A1CF: variants seen among roughly 807,000 people sequenced by gnomAD.
The protein encoded by A1CF is APOBEC1 complementation factor, also known as APOBEC-1 stimulating protein.
Under a neutral mutation model 68.9 loss-of-function variants are expected in A1CF, and 48 were observed. The observed-to-expected ratio is 0.70, with a 90% CI of 0.55 to 0.89. The LOEUF (loss-of-function observed/expected upper bound fraction) is 0.89, where lower values mean the gene tolerates loss of function less well. Among genes scored for constraint, A1CF ranks in the 40% least tolerant of loss-of-function variants. The probability of loss-of-function intolerance (pLI) is 0.00; values close to 1 mark genes in which losing one functional copy is unlikely to be tolerated. For synonymous variants in A1CF, 272 were observed against 260.4 expected, an observed-to-expected ratio of 1.04 and a Z score of -0.43; for missense variants, 653 against 718.9, an observed-to-expected ratio of 0.91 and a Z score of 1.05.
intron 6 of A1CF, among the ~76,000 whole-genome samples, chr10:50,830,871 G>A (rs1371197625): frequency 6.6e-6 from 1 of 152,130 alleles, no homozygotes; most frequent in East Asian, 1.9e-4. Flanking sequence ...ATACTGCAAA[G>A]CTATAGTAAT....
chr10:50,884,421 ATT>A (rs747789631), intron 1 of A1CF, among the ~76,000 whole-genome samples: 1 of 152,192 alleles, frequency 6.6e-6, no homozygotes, highest in Non-Finnish European at 1.5e-5. Flanking sequence ...CTTATAAGTC[ATT>A]TGTCTCTTTC....
At chr10:50,879,661 T>A (rs986707484) in intron 1 of A1CF, among the ~76,000 whole-genome samples, 1 of 152,136 alleles carries the variant, frequency 6.6e-6, no homozygotes, top group African/African-American at 2.4e-5. Flanking sequence ...CCAGGTCTCA[T>A]GAGAATTCAC....
intron 6 of A1CF, among the ~76,000 whole-genome samples, chr10:50,832,640 A>C (rs1005201513): frequency 6.6e-6 from 1 of 152,218 alleles, no homozygotes; most frequent in East Asian, 1.9e-4. Context: ...ACAAGTTCAA[A>C]TGTCAGAACA....
chr10:50,872,020 ATAT>A lies in A1CF; in HGVS notation c.-93-7943_-93-7941del, dbSNP rs551131655. Among the ~76,000 whole-genome samples, 31 of 152,222 alleles carry A rather than the reference ATAT, an allele frequency of 2.0e-4. 1 individual carries two copies. The East Asian group carries it at 6.0e-3, about 29-fold the overall frequency. On this transcript the variant is annotated intron_variant, in intron 1 of 12. Coordinates refer to ENST00000373997, the MANE Select transcript of A1CF (RefSeq NM_014576.4). The stretch of plus-strand genomic sequence containing the variant: ...TGTTATTTATATAATAGATAGAGAA[ATAT>A]TATCTGTAATATACAGATTACTTTT...
chr10:50,847,300 T>C (rs2132474877), intron 3 of A1CF, among the ~76,000 whole-genome samples: 1 of 152,344 alleles, frequency 6.6e-6, no homozygotes, highest in South Asian at 2.1e-4. Flanking sequence ...GTGGAAAGTC[T>C]TCACCTATGT....
In A1CF at chr10:50,809,914, G is replaced by A; in HGVS notation, c.1589C>T (p.Ala530Val). ...CATACCTGGGAAAGCAGTAGCAGCA[G>A]CAGCAGCAGTAGCCATGGTGCCATC... is the stretch of plus-strand genomic sequence containing the variant. ...GGDGTMATAA[A>V]AATAFPGYAV... The change falls in exon 12 of 13, where the codon GCT becomes GTT. Residue 530 changes from alanine to valine, a missense_variant. Physicochemically the swap from Ala to Val is moderately conservative, Grantham distance 64 (BLOSUM62 0). Transcript: ENST00000373997. 2 of 1,613,944 alleles carry A rather than the reference G, an allele frequency of 1.2e-6. No homozygotes were observed. The highest frequency in any genetic ancestry group is 1.7e-6 in the Non-Finnish European group (2 of 1,179,872).
At chr10:50,832,592 T>C (rs1290178172) in intron 6 of A1CF, among the ~76,000 whole-genome samples, 2 of 152,084 alleles carry the variant, frequency 1.3e-5, no homozygotes, top group African/African-American at 4.8e-5. Context: ...TGAAAGTGAG[T>C]GTTACAGAGT....
intron 10 of A1CF, 50 bp from the exon 11 acceptor site, chr10:50,811,226 A>T: frequency 6.4e-7 from 1 of 1,552,822 alleles, no homozygotes; most frequent in Non-Finnish European, 8.7e-7. Flanking sequence ...CATTCACATT[A>T]TTTCCCAAGT....
chr10:50,864,776 G>A (rs1360572236), intron 1 of A1CF, among the ~76,000 whole-genome samples: 1 of 151,896 alleles, frequency 6.6e-6, no homozygotes, highest in South Asian at 2.1e-4. Flanking sequence ...GCACCACTAC[G>A]CCTGGCTAAT....
chr10:50,807,355 C>T (rs894678300), intron 12 of A1CF, among the ~76,000 whole-genome samples: 4 of 152,100 alleles, frequency 2.6e-5, no homozygotes, highest in Non-Finnish European at 5.9e-5. Context: ...AAAACATTTG[C>T]CTTTACCCAA....
At chr10:50,879,508 A>G (rs1450057597) in intron 1 of A1CF, among the ~76,000 whole-genome samples, 1 of 152,200 alleles carries the variant, frequency 6.6e-6, no homozygotes, top group East Asian at 1.9e-4. Flanking sequence ...TAATTGACTC[A>G]CAGTTCTGCA....
chr10:50,850,875 G>T (rs1005067571), intron 3 of A1CF: 6 of 1,505,794 alleles, frequency 4.0e-6, no homozygotes, highest in Non-Finnish European at 4.4e-6. Context: ...TATCCTTAAA[G>T]AATGTGTAAT....
chr10:50,874,396 C>T (rs1057266371), intron 1 of A1CF, among the ~76,000 whole-genome samples: 4 of 152,080 alleles, frequency 2.6e-5, no homozygotes, highest in African/African-American at 7.2e-5. Context: ...TTATCTGTTT[C>T]GAAAGACATT....
intron 10 of A1CF, among the ~76,000 whole-genome samples, chr10:50,813,463 T>C (rs1334873902): frequency 1.3e-5 from 2 of 152,182 alleles, no homozygotes; most frequent in Admixed American, 1.3e-4. Flanking sequence ...AAAGATGTCC[T>C]AAATGGTCTA....
intron 7 of A1CF, chr10:50,823,006 G>A (rs1384573859): frequency 1.3e-5 from 2 of 152,098 alleles, no homozygotes; most frequent in African/African-American, 2.4e-5. Context: ...CATGGAATAA[G>A]GGAATATTAT....
chr10:50,813,965 G>A lies in A1CF; in HGVS notation c.1215C>T (p.Val405=). 6.2e-7 allele frequency: 1 copy of A among 1,613,770 alleles called. No individual in the cohort carries two copies. The highest frequency in any genetic ancestry group is 8.5e-7 in the Non-Finnish European group (1 of 1,179,844). The change falls in exon 10 of 13, where the codon GTC becomes GTT. Residue 405 remains valine, a synonymous_variant. Transcript: ENST00000373997. ...GTTTGTCTTCTCTTTTGTCTCCTTT[G>A]ACCTGGTATCCTCGACCCAGGCCTG... The part of the protein sequence containing the change: ...AYTGLGRGYQ[V]KGDKREDKLY...
chr10:50,876,464 G>A (rs1245937356), intron 1 of A1CF, among the ~76,000 whole-genome samples: 1 of 152,160 alleles, frequency 6.6e-6, no homozygotes, highest in Non-Finnish European at 1.5e-5. Flanking sequence ...AAAGATCTTG[G>A]AAAATTTTAA....
Position 50,809,978 on chromosome 10 carries a change from A to G in A1CF, c.1525T>C (p.Tyr509His). 1 of 1,614,040 alleles carries G rather than the reference A, an allele frequency of 6.2e-7. No homozygotes were observed. The highest frequency in any genetic ancestry group is 8.5e-7 in the Non-Finnish European group (1 of 1,179,924). Residue 509 changes from tyrosine to histidine, a missense_variant, in exon 12 of 13, where the codon TAC (tyrosine) becomes CAC (histidine). Transcript: ENST00000373997. Reference sequence around the variant, plus strand: ...GGGATGCCCAGGGTCTGCAGGGTGTATTCGGCTGCATACGTCTTTGCTTCA... The same window carrying G: ...GGGATGCCCAGGGTCTGCAGGGTGTGTTCGGCTGCATACGTCTTTGCTTCA... ...VDEAKTYAAE[Y>H]TLQTLGIPTD... is the part of the protein sequence containing the mutation.
chr10:50,847,402 A>G (rs1840050443), intron 3 of A1CF, among the ~76,000 whole-genome samples: 1 of 152,152 alleles, frequency 6.6e-6, no homozygotes, highest in Admixed American at 6.5e-5. Context: ...CTCAGTTTAT[A>G]TGTCAAGAGT....
Sources: gnomAD v4.1 joint callset for allele counts (sites outside exome capture counted in the v4.1 genomes callset) on GRCh38, gnomAD v4.1.1 for gene constraint, MANE v1.5 for transcripts, NCBI Gene and HGNC (gene_info 2026-07-23, HGNC 2026-07-21) for gene names.